Variants in RSPO3 observed in about 807,000 individuals in gnomAD.
RSPO3 encodes R-spondin 3.
RSPO3 carries 17 observed loss-of-function variants against 36.5 expected under a neutral mutation model. The observed-to-expected ratio is 0.47, with a 90% CI of 0.32 to 0.70. RSPO3 has a LOEUF of 0.70. RSPO3 is among the 30% of genes least tolerant of loss of function. The probability of loss-of-function intolerance (pLI) is 0.04; values close to 1 mark genes in which losing one functional copy is unlikely to be tolerated. For synonymous variants in RSPO3, 108 were observed against 107.0 expected, an observed-to-expected ratio of 1.01 and a Z score of -0.06; for missense variants, 294 against 322.5, an observed-to-expected ratio of 0.91 and a Z score of 0.68.
chr6:127,148,973 A>G, intron 2 of RSPO3, 134 bp downstream of exon 2: 1 of 733,212 alleles, frequency 1.4e-6, no homozygotes, highest in South Asian at 2.7e-5. Flanking sequence ...GCTAAACCAT[A>G]CTTGGACTTA....
In RSPO3 at chr6:127,155,888, A is replaced by ATATATGTATATATATATATATATG. The variant is rs1428777791; in HGVS notation, c.634+454_634+455insTGTATATATATATATATATGTATA. ...TTTGTAGCTAAGTGTATATATATATATATACACACACACACACATATATAT... is the reference window on the plus strand; with the variant it reads ...TTTGTAGCTAAGTGTATATATATATATATATGTATATATATATATATATGTATACACACACACACACATATATAT... On this transcript the variant is annotated intron_variant, in intron 4 of 4. Transcript: ENST00000356698. Among the ~76,000 whole-genome samples, 471 of 151,544 alleles carry ATATATGTATATATATATATATATG rather than the reference A, an allele frequency of 3.1e-3. 1 individual carries two copies. The highest frequency in any genetic ancestry group is 0.01 in the African/African-American group (419 of 41,242).
At chr6:127,138,482 G>C (rs1774206350) in intron 1 of RSPO3, among the ~76,000 whole-genome samples, 1 of 152,114 alleles carries the variant, frequency 6.6e-6, no homozygotes, top group African/African-American at 2.4e-5. Context: ...TCTTTTCTAA[G>C]AGTTATTATT....
At chr6:127,133,930 A>C (rs1037649116) in intron 1 of RSPO3, among the ~76,000 whole-genome samples, 12 of 152,212 alleles carry the variant, frequency 7.9e-5, no homozygotes, top group African/African-American at 2.9e-4. Context: ...ATATTAATTC[A>C]GATTTTAAAA....
intron 4 of RSPO3, among the ~76,000 whole-genome samples, chr6:127,184,548 C>G (rs960649742): frequency 1.3e-5 from 2 of 151,834 alleles, no homozygotes; most frequent in African/African-American, 4.8e-5. Flanking sequence ...GGTTGACTAT[C>G]CAAAGAATGA....
chr6:127,148,584 G>A, intron 1 of RSPO3, 64 bp from the exon 2 acceptor site: 2 of 1,395,844 alleles, frequency 1.4e-6, no homozygotes, highest in South Asian at 1.5e-5. Flanking sequence ...ATCCTGCCCA[G>A]AAAATGTCAT....
rs1473425600 is a variant in RSPO3, at chr6:127,119,166, A to C, written c.-27A>C. On this transcript the variant is annotated 5_prime_UTR_variant, in exon 1 of 5. Transcript: ENST00000356698. The stretch of plus-strand genomic sequence containing the variant: ...ATTAACAATCAAAAGAAAGAGGAGA[A>C]AGGAAGGGAAGCATTACTGGGTTAC... 1 of 1,478,470 alleles carries C rather than the reference A, an allele frequency of 6.8e-7. No homozygotes were observed. The highest frequency in any genetic ancestry group is 9.4e-7 in the Non-Finnish European group (1 of 1,061,042). 91.6% of individuals were successfully genotyped at this position (1,478,470 alleles called of 1,614,324 possible).
chr6:127,128,679 A>G (rs11967896), intron 1 of RSPO3, among the ~76,000 whole-genome samples: 4,192 of 152,230 alleles, frequency 0.028, 64 homozygotes, highest in African/African-American at 0.048. Flanking sequence ...CTGTTGATCA[A>G]TACTCTATTG....
At position 127,173,189 on chromosome 6, in the gene RSPO3, AT is replaced by A. The variant is rs1251290193; in HGVS notation, c.634+17755del. Among the ~76,000 whole-genome samples the A allele has an allele frequency of 9.2e-5, 14 of 152,008 alleles. No homozygotes were observed. The East Asian group carries it at 2.7e-3, about 30-fold the overall frequency. On this transcript the variant is annotated intron_variant, in intron 4 of 4. Transcript: ENST00000356698. ...CTGCTTCATCTTTCTGTTTACAACC[AT>A]TTTGTTATTCAAATAACAAACTTAA...
At chr6:127,164,789 C>T (rs1399072444) in intron 4 of RSPO3, among the ~76,000 whole-genome samples, 1 of 152,016 alleles carries the variant, frequency 6.6e-6, no homozygotes, top group Non-Finnish European at 1.5e-5. Context: ...ATTGTGTATA[C>T]ACCACCAGGT....
intron 1 of RSPO3, among the ~76,000 whole-genome samples, chr6:127,125,815 G>A (rs1255755390): frequency 1.3e-5 from 2 of 152,066 alleles, no homozygotes. Context: ...TAGGCTCAGG[G>A]TTAGGGAGCT....
intron 4 of RSPO3, among the ~76,000 whole-genome samples, chr6:127,167,831 A>G (rs1348379282): frequency 3.3e-5 from 5 of 151,866 alleles, no homozygotes; most frequent in African/African-American, 9.7e-5. Context: ...TCATTGTTCA[A>G]TTCCCACCTA....
rs1774575482 is a variant in RSPO3, at chr6:127,155,411, A to C, written c.607A>C (p.Arg203=). The C allele has an allele frequency of 6.2e-7, 1 of 1,613,700 alleles. No individual in the cohort carries two copies. The highest frequency in any genetic ancestry group is 8.5e-7 in the Non-Finnish European group (1 of 1,179,774). Residue 203 remains arginine, a synonymous_variant, in exon 4 of 5, where the codon AGG becomes CGG. Coordinates refer to ENST00000356698, the MANE Select transcript of RSPO3 (RefSeq NM_032784.5). ...TNETRKCTVQ[R]KKCQKGERGK... ...TGAGACAAGAAAGTGTACAGTGCAAAGGAAGAAGTGTCAGAAGGGAGAACG... is the reference window on the plus strand; with the variant it reads ...TGAGACAAGAAAGTGTACAGTGCAACGGAAGAAGTGTCAGAAGGGAGAACG...
At chr6:127,155,516 A>G (rs926996128) in intron 4 of RSPO3, 78 bp downstream of exon 4, 66 of 1,324,070 alleles carry the variant, frequency 5.0e-5, no homozygotes, top group Non-Finnish European at 6.6e-5. Flanking sequence ...CTTATGAAAC[A>G]CTTGGCATTA....
chr6:127,184,960 A>G (rs1475775540), intron 4 of RSPO3, among the ~76,000 whole-genome samples: 1 of 151,954 alleles, frequency 6.6e-6, no homozygotes, highest in Non-Finnish European at 1.5e-5. Flanking sequence ...AAACATACAT[A>G]CACATTTGTT....
Position 127,197,459 on chromosome 6 carries a change from A to G in RSPO3, c.*1452A>G, listed in dbSNP as rs1228698545. 2 of 1,550,578 alleles carry G rather than the reference A, an allele frequency of 1.3e-6. No homozygotes were observed. The highest frequency in any genetic ancestry group is 1.7e-6 in the Non-Finnish European group (2 of 1,146,980). On this transcript the variant is annotated 3_prime_UTR_variant, in exon 5 of 5. Coordinates refer to ENST00000356698, the MANE Select transcript of RSPO3 (RefSeq NM_032784.5). ...AGTCACCCTAGCTGAAGGCCTCACC[A>G]GTGTTTCACAGAGGACACAGCCCAC...
At chr6:127,181,809 G>C (rs796892234) in intron 4 of RSPO3, among the ~76,000 whole-genome samples, 77 of 151,934 alleles carry the variant, frequency 5.1e-4, no homozygotes, top group African/African-American at 1.9e-3. Context: ...TGGAGATAAG[G>C]GAATGGCTTA....
chr6:127,166,728 T>C lies in RSPO3; in HGVS notation c.634+11290T>C, dbSNP rs562420941. On this transcript the variant is annotated intron_variant, in intron 4 of 4. Coordinates refer to ENST00000356698, the MANE Select transcript of RSPO3 (RefSeq NM_032784.5). ...TATTAATATATTCTGCCAGATTATTTTTCAAAAAGGTGTTTCAGTTCACAC... is the reference window on the plus strand; with the variant it reads ...TATTAATATATTCTGCCAGATTATTCTTCAAAAAGGTGTTTCAGTTCACAC... 4.6e-5 allele frequency among the ~76,000 whole-genome samples: 7 copies of C among 152,108 alleles called. No individual in the cohort carries two copies. The South Asian group carries it at 1.4e-3, about 32-fold the overall frequency.
intron 3 of RSPO3, among the ~76,000 whole-genome samples, chr6:127,153,820 A>C (rs761541755): frequency 1.3e-5 from 2 of 152,024 alleles, no homozygotes; most frequent in Non-Finnish European, 2.9e-5. Context: ...TTTTTTTGTA[A>C]TCCTAAGGAT....
chr6:127,130,012 C>G (rs915518213), intron 1 of RSPO3, among the ~76,000 whole-genome samples: 4 of 152,048 alleles, frequency 2.6e-5, no homozygotes, highest in African/African-American at 9.7e-5. Context: ...ATATCTGGAG[C>G]TAGAACAAAC....
Sources: gnomAD v4.1 joint callset for allele counts (sites outside exome capture counted in the v4.1 genomes callset) on GRCh38, gnomAD v4.1.1 for gene constraint, MANE v1.5 for transcripts, NCBI Gene and HGNC (gene_info 2026-07-23, HGNC 2026-07-21) for gene names.